CENPC: variants seen among roughly 807,000 people sequenced by gnomAD.
CENPC encodes the protein CENP-C 1.
Under a neutral mutation model 112.1 loss-of-function variants are expected in CENPC, and 63 were observed. That is an observed-to-expected ratio of 0.56 (90% CI 0.46 to 0.69). The LOEUF is 0.69. CENPC is among the 30% of genes least tolerant of loss of function. CENPC has a pLI of 0.00. For synonymous variants in CENPC, 333 were observed against 367.6 expected (o/e 0.91, Z 1.08); for missense variants, 1,000 against 1,103.8 (o/e 0.91, Z 1.33).
intron 5 of CENPC, among the ~76,000 whole-genome samples, chr4:67,523,951 T>A (rs1357268745): frequency 6.6e-6 from 1 of 151,768 alleles, no homozygotes; most frequent in African/African-American, 2.4e-5. Flanking sequence ...TCTGCAACAA[T>A]CTGAATAACA....
chr4:67,520,643 T>A (rs1726198810), intron 5 of CENPC, among the ~76,000 whole-genome samples: 1 of 152,074 alleles, frequency 6.6e-6, no homozygotes, highest in Non-Finnish European at 1.5e-5. Context: ...CCTAACAGCA[T>A]CAGAAAATGA....
intron 16 of CENPC, among the ~76,000 whole-genome samples, chr4:67,491,460 T>G (rs1164044777): frequency 7.0e-4 from 41 of 58,314 alleles, no homozygotes; most frequent in South Asian, 4.5e-3. Context: ...TATATATATA[T>G]ATATATATAT....
At chr4:67,539,781 T>C in intron 4 of CENPC, 59 bp downstream of exon 4, 1 of 847,782 alleles carries the variant, frequency 1.2e-6, no homozygotes, top group Non-Finnish European at 1.8e-6. Flanking sequence ...ATGAGTATAT[T>C]GTGTATACCT....
chr4:67,504,047 A>T (rs1725666422), intron 12 of CENPC, among the ~76,000 whole-genome samples: 1 of 149,744 alleles, frequency 6.7e-6, no homozygotes, highest in South Asian at 2.1e-4. Context: ...GAAATTTCTT[A>T]CTCAAGATAA....
chr4:67,545,470 T>G lies in CENPC; in HGVS notation c.-115A>C. The stretch of plus-strand genomic sequence containing the variant: ...GGAATACCAGGCCGCGGCCAAGCAA[T>G]AACCTTAAGTCTCAGGCGACTGCCG... On this transcript the variant is annotated 5_prime_UTR_variant, in exon 1 of 19. Transcript: ENST00000273853. 9.9e-6 allele frequency: 11 copies of G among 1,109,348 alleles called. No homozygotes were observed. Among genetic ancestry groups the G allele is most frequent in the Non-Finnish European group, 1.1e-5 (9 of 816,822 alleles). 68.7% of individuals were successfully genotyped at this position (1,109,348 alleles called of 1,614,324 possible).
At position 67,504,030 on chromosome 4, in the gene CENPC, G is replaced by T. The variant is rs1029993971; in HGVS notation, c.2131+1175C>A. ...TACAGATAAGGAAACTGAAGTTTAAGAACACTGAAATTTCTTACTCAAGAT... is the reference window on the plus strand; with the variant it reads ...TACAGATAAGGAAACTGAAGTTTAATAACACTGAAATTTCTTACTCAAGAT... On this transcript the variant is annotated intron_variant, in intron 12 of 18. Coordinates refer to ENST00000273853, the MANE Select transcript of CENPC (RefSeq NM_001812.4). Among the ~76,000 whole-genome samples, 3 of 132,774 alleles carry T rather than the reference G, an allele frequency of 2.3e-5. No homozygotes were observed. In the Admixed American group the frequency reaches 2.6e-4, roughly 12 times the overall value. 87.1% of individuals were successfully genotyped at this position (132,774 alleles called of 152,430 possible).
Position 67,469,725 on chromosome 4 carries a change from A to T in CENPC, c.*2880T>A, listed in dbSNP as rs925589104. ...AGGACTGTGATTCTTTAAAGACATG[A>T]AATTAACTCCATAGTCACCCAGTTT... On this transcript the variant is annotated 3_prime_UTR_variant, in exon 19 of 19. Coordinates refer to ENST00000273853, the MANE Select transcript of CENPC (RefSeq NM_001812.4). The T allele has an allele frequency of 1.3e-5, 2 of 152,232 alleles. No individual in the cohort carries two copies. Among genetic ancestry groups the T allele is most frequent in the Non-Finnish European group, 2.9e-5 (2 of 68,048 alleles). The allele number at this position is 152,232 out of a possible 1,614,324, so 9.4% of individuals were successfully genotyped here.
chr4:67,517,773 G>A (rs1726101447), intron 7 of CENPC, among the ~76,000 whole-genome samples: 1 of 152,044 alleles, frequency 6.6e-6, no homozygotes, highest in South Asian at 2.1e-4. Flanking sequence ...GGAGGGAGAG[G>A]TTGCAATGAG....
Position 67,514,063 on chromosome 4 carries a change from T to A in CENPC, c.1444+11A>T. On this transcript the variant is annotated intron_variant, in intron 8 of 18. Transcript: ENST00000273853. ...ATAATGCTCATGGTTATATTTAATATAAACACTTACCCACAGGTGGCATCT... is the reference window on the plus strand; with the variant it reads ...ATAATGCTCATGGTTATATTTAATAAAAACACTTACCCACAGGTGGCATCT... 6.4e-7 allele frequency: 1 copy of A among 1,564,794 alleles called. No homozygotes were observed. The highest frequency in any genetic ancestry group is 1.2e-5 in the South Asian group (1 of 83,212).
intron 5 of CENPC, among the ~76,000 whole-genome samples, chr4:67,526,330 T>TA (rs149221658): frequency 0.025 from 3,775 of 149,828 alleles, 64 homozygotes; most frequent in Non-Finnish European, 0.038. Context: ...GAACTTAAAG[T>TA]AAAAAAAATA....
intron 10 of CENPC, among the ~76,000 whole-genome samples, chr4:67,507,622 A>T (rs1335790548): frequency 2.6e-5 from 4 of 152,166 alleles, no homozygotes; most frequent in African/African-American, 9.6e-5. Context: ...AACTACCCAT[A>T]TAGAAAAGCT....
rs149428652 is a variant in CENPC, at chr4:67,513,372, T to C, written c.1444+702A>G. The stretch of plus-strand genomic sequence containing the variant: ...CAACTGATATGGTAATTAATGAGCA[T>C]TATATTCACTAACCAATCTAGATAC... On this transcript the variant is annotated intron_variant, in intron 8 of 18. Coordinates refer to ENST00000273853, the MANE Select transcript of CENPC (RefSeq NM_001812.4). Among the ~76,000 whole-genome samples, 302 of 152,316 alleles carry C rather than the reference T, an allele frequency of 2.0e-3. 6 individuals are homozygous for C. Among genetic ancestry groups the C allele is most frequent in the Admixed American group, 0.017 (253 of 15,274 alleles).
At chr4:67,493,279 AGG>A (rs1725335159) in intron 14 of CENPC, 1 of 194,838 alleles carries the variant, frequency 5.1e-6, no homozygotes. Context: ...AAAAAAAAAA[AGG>A]AGGGGGCTAG....
At position 67,471,622 on chromosome 4, in the gene CENPC, C is replaced by A. The variant is rs1724662355; in HGVS notation, c.*983G>T. 1 of 152,144 alleles carries A rather than the reference C, an allele frequency of 6.6e-6. No individual in the cohort carries two copies. Among genetic ancestry groups the A allele is most frequent in the Non-Finnish European group, 1.5e-5 (1 of 68,024 alleles). The allele number at this position is 152,144 out of a possible 1,614,324, so 9.4% of individuals were successfully genotyped here. On this transcript the variant is annotated 3_prime_UTR_variant, in exon 19 of 19. Coordinates refer to ENST00000273853, the MANE Select transcript of CENPC (RefSeq NM_001812.4). Reference sequence around the variant, plus strand: ...AAAAAAAGAGCCATCACACTTCATTCTTCCTAAGTCCTACACCAGAGTTGC... The same window carrying A: ...AAAAAAAGAGCCATCACACTTCATTATTCCTAAGTCCTACACCAGAGTTGC...
intron 17 of CENPC, among the ~76,000 whole-genome samples, chr4:67,476,038 G>A (rs571477955): frequency 6.6e-6 from 1 of 152,266 alleles, no homozygotes; most frequent in Admixed American, 6.5e-5. Flanking sequence ...CAGCCATCAT[G>A]ATGTCCCAGT....
chr4:67,542,090 G>T (rs1425936997), intron 2 of CENPC, among the ~76,000 whole-genome samples: 7 of 152,140 alleles, frequency 4.6e-5, no homozygotes, highest in African/African-American at 4.8e-5. Context: ...CCATTTACCT[G>T]TTGAAGAACA....
chr4:67,504,092 C>CAAAAAAA (rs33925641), intron 12 of CENPC, among the ~76,000 whole-genome samples: 10 of 114,082 alleles, frequency 8.8e-5, no homozygotes, highest in South Asian at 3.0e-4. Context: ...GTGAATGGGG[C>CAAAAAAA]AAAAAAAAAA....
At chr4:67,541,399 A>G (rs1726886729) in intron 2 of CENPC, among the ~76,000 whole-genome samples, 1 of 152,200 alleles carries the variant, frequency 6.6e-6, no homozygotes, top group Non-Finnish European at 1.5e-5. Flanking sequence ...TTACAGTCAC[A>G]TCTCCAAGTA....
intron 17 of CENPC, among the ~76,000 whole-genome samples, chr4:67,484,928 T>C (rs6849484): frequency 0.63 from 95,015 of 151,762 alleles, 29,977 homozygotes; most frequent in East Asian, 0.81. Flanking sequence ...CCCATCTCTA[T>C]GAAAAATACA....
Sources: allele counts gnomAD v4.1 joint callset (sites outside exome capture counted in the v4.1 genomes callset), GRCh38; gene constraint gnomAD v4.1.1; transcripts MANE v1.5; gene names NCBI Gene and HGNC (gene_info 2026-07-23, HGNC 2026-07-21).